GATD3: variants seen among roughly 807,000 people sequenced by gnomAD.
GATD3 encodes glutamine amidotransferase-like class 1 domain-containing protein 3, mitochondrial.
the GATD3 span, among the ~76,000 whole-genome samples, chr21:44,139,912 CAG>C: frequency 7.9e-6 from 1 of 126,422 alleles, no homozygotes; most frequent in Non-Finnish European, 1.8e-5. Flanking sequence ...AACGTCGTAA[CAG>C]AAAGCTAACA....
At chr21:44,142,709 G>C in the GATD3 span, among the ~76,000 whole-genome samples, 4 of 76,200 alleles carry the variant, frequency 5.2e-5, 1 homozygote, top group African/African-American at 1.1e-4. Flanking sequence ...CTGCAGGTCG[G>C]AGGCTGGCGA....
At chr21:44,144,274 G>A in the GATD3 span, among the ~76,000 whole-genome samples, 2 of 69,064 alleles carry the variant, frequency 2.9e-5, 1 homozygote, top group African/African-American at 6.6e-5. Flanking sequence ...CACGTGTCTT[G>A]GGTGGTGTGG....
At chr21:44,143,185 G>A in the GATD3 span, 4 of 8,874 alleles carry the variant, frequency 4.5e-4, no homozygotes, top group African/African-American at 1.2e-3. Context: ...TGCCTGACCC[G>A]TGTTCTTTTC....
the GATD3 span, chr21:44,133,916 C>T: frequency 3.2e-5 from 5 of 154,482 alleles, 1 homozygote; most frequent in South Asian, 1.8e-4. Context: ...AGGTCGGCCC[C>T]TCTTCCTAGG....
At chr21:44,137,712 G>T in the GATD3 span, 1 of 34 alleles carries the variant, frequency 0.029, no homozygotes, top group Non-Finnish European at 0.083. Context: ...TTTTTTTTCT[G>T]TAGAGATGAG....
the GATD3 span, chr21:44,145,588 AG>A: frequency 4.5e-6 from 2 of 444,816 alleles, 1 homozygote; most frequent in African/African-American, 6.0e-5. Flanking sequence ...GGGAAATTGC[AG>A]CCCCTCAGCC....
chr21:44,144,108 G>C, the GATD3 span, among the ~76,000 whole-genome samples: 1 of 54,516 alleles, frequency 1.8e-5, no homozygotes, highest in African/African-American at 4.7e-5. Flanking sequence ...TGCAGGTGTT[G>C]TTCTGAAGGG....
the GATD3 span, chr21:44,145,525 TG>T: frequency 9.0e-6 from 2 of 221,652 alleles, no homozygotes; most frequent in Non-Finnish European, 1.5e-5. Context: ...GAGTGAGGAA[TG>T]GCAGTGAGGT....
chr21:44,142,058 G>T, the GATD3 span, among the ~76,000 whole-genome samples: 2 of 33,700 alleles, frequency 5.9e-5, no homozygotes, highest in African/African-American at 7.9e-5. Flanking sequence ...GCCTCCCGGG[G>T]TCAAGCAATT....
the GATD3 span, among the ~76,000 whole-genome samples, chr21:44,142,243 C>T: frequency 1.6e-4 from 4 of 24,754 alleles, 2 homozygotes; most frequent in East Asian, 4.4e-3. Flanking sequence ...CAGGCATGAG[C>T]CACTGCACCT....
At chr21:44,145,593 C>G in the GATD3 span, 1 of 444,916 alleles carries the variant, frequency 2.2e-6, no homozygotes, top group Non-Finnish European at 3.2e-6. Flanking sequence ...ATTGCAGCCC[C>G]TCAGCCCCCA....
At chr21:44,139,307 C>T in the GATD3 span, among the ~76,000 whole-genome samples, 1 of 12,622 alleles carries the variant, frequency 7.9e-5, no homozygotes, top group African/African-American at 1.4e-4. Flanking sequence ...TCCTGCTCCT[C>T]GGCCTGAGGT....
chr21:44,144,172 G>A, the GATD3 span, among the ~76,000 whole-genome samples: 2 of 56,688 alleles, frequency 3.5e-5, 1 homozygote, highest in African/African-American at 9.2e-5. Flanking sequence ...TCAGACGTCA[G>A]GCCCCATCTC....
At chr21:44,139,315 GGT>G in the GATD3 span, among the ~76,000 whole-genome samples, 1 of 13,682 alleles carries the variant, frequency 7.3e-5, no homozygotes, top group African/African-American at 1.3e-4. Flanking sequence ...CTCGGCCTGA[GGT>G]GTGGATGCTG....
the GATD3 span, among the ~76,000 whole-genome samples, chr21:44,139,586 C>T: frequency 5.4e-5 from 4 of 73,730 alleles, 2 homozygotes; most frequent in Admixed American, 5.8e-4. Flanking sequence ...ACAGTATGGA[C>T]CCGGGGTAGC....
At chr21:44,142,609 G>A in the GATD3 span, among the ~76,000 whole-genome samples, 3 of 75,840 alleles carry the variant, frequency 4.0e-5, 1 homozygote, top group African/African-American at 8.6e-5. Context: ...AGGGGTGGGT[G>A]TGGCAGGACC....
At chr21:44,142,705 G>A in the GATD3 span, among the ~76,000 whole-genome samples, 2 of 76,246 alleles carry the variant, frequency 2.6e-5, 1 homozygote, top group African/African-American at 5.7e-5. Flanking sequence ...TGTGCTGCAG[G>A]TCGGAGGCTG....
chr21:44,139,825 G>A, the GATD3 span, among the ~76,000 whole-genome samples: 2 of 147,468 alleles, frequency 1.4e-5, no homozygotes, highest in African/African-American at 4.9e-5. Context: ...AGAAAGGCGG[G>A]GAACATTAGA....
the GATD3 span, among the ~76,000 whole-genome samples, chr21:44,139,964 TC>T: frequency 1.0e-5 from 1 of 96,840 alleles, no homozygotes; most frequent in East Asian, 3.5e-4. Flanking sequence ...AGCGTCTGAG[TC>T]TCAGCACCGC....
Sources: gnomAD v4.1 joint callset for allele counts (sites outside exome capture counted in the v4.1 genomes callset) on GRCh38, gnomAD v4.1.1 for gene constraint, MANE v1.5 for transcripts, NCBI Gene and HGNC (gene_info 2026-07-23, HGNC 2026-07-21) for gene names.